PLCH1: variants seen among roughly 807,000 people sequenced by gnomAD.
PLCH1 encodes phospholipase C eta 1.
In PLCH1, 60 loss-of-function variants were observed where a neutral mutation model predicts 126.7. The observed-to-expected ratio is 0.47, with a 90% CI of 0.38 to 0.59. PLCH1 has a LOEUF of 0.59. Among genes scored for constraint, PLCH1 ranks in the 20% least tolerant of loss-of-function variants. The pLI is 0.00. For synonymous variants in PLCH1, 719 were observed against 734.9 expected, an observed-to-expected ratio of 0.98 and a Z score of 0.35; for missense variants, 1,723 against 2,040.0, an observed-to-expected ratio of 0.84 and a Z score of 2.99.
intron 2 of PLCH1, among the ~76,000 whole-genome samples, chr3:155,602,600 C>T (rs1410271218): frequency 6.6e-6 from 1 of 152,182 alleles, no homozygotes; most frequent in Non-Finnish European, 1.5e-5. Flanking sequence ...TATGGTATAA[C>T]CTACTGCTCC....
chr3:155,581,862 G>A (rs921662209), intron 6 of PLCH1, among the ~76,000 whole-genome samples: 1 of 149,554 alleles, frequency 6.7e-6, no homozygotes, highest in Non-Finnish European at 1.5e-5. Flanking sequence ...GCATTCTCCC[G>A]TCTCAGCCTC....
At chr3:155,676,639 C>T (rs1033273973) in intron 2 of PLCH1, among the ~76,000 whole-genome samples, 5 of 152,240 alleles carry the variant, frequency 3.3e-5, no homozygotes, top group South Asian at 2.1e-4. Context: ...AAATAAGCTA[C>T]GACTGCCCTA....
At chr3:155,665,990 A>C (rs555505361) in intron 2 of PLCH1, among the ~76,000 whole-genome samples, 1 of 152,362 alleles carries the variant, frequency 6.6e-6, no homozygotes, top group South Asian at 2.1e-4. Flanking sequence ...ATCACCATAG[A>C]TATTCACATA....
intron 10 of PLCH1, among the ~76,000 whole-genome samples, chr3:155,535,995 A>C (rs1723302693): frequency 1.3e-5 from 2 of 152,230 alleles, no homozygotes. Flanking sequence ...ATCACTTAAC[A>C]GGACTCTTTG....
intron 4 of PLCH1, among the ~76,000 whole-genome samples, chr3:155,590,667 G>A (rs909992176): frequency 2.0e-5 from 3 of 151,880 alleles, no homozygotes; most frequent in Non-Finnish European, 2.9e-5. Flanking sequence ...GGAGAATGGC[G>A]TGAACCCAGG....
intron 1 of PLCH1, among the ~76,000 whole-genome samples, chr3:155,733,012 G>A (rs1748889333): frequency 6.6e-6 from 1 of 151,478 alleles, no homozygotes; most frequent in Non-Finnish European, 1.5e-5. Flanking sequence ...TAACCAAGGA[G>A]GTGAAAAACT....
rs151271623 is a variant in PLCH1 at position 155,531,578 on chromosome 3, T to C, written c.1363-7574A>G. Among the ~76,000 whole-genome samples, 450 of 152,326 alleles carry C rather than the reference T, an allele frequency of 3.0e-3. 1 individual carries two copies. The highest frequency in any genetic ancestry group is 0.019 in the South Asian group (93 of 4,826). On this transcript the variant is annotated intron_variant, in intron 10 of 22. Coordinates refer to ENST00000460012, the MANE Select transcript of PLCH1 (RefSeq NM_014996.4). ...AGGTAGAAGTTGTAGTGACCCAAGA[T>C]GGCGCCACTGCACTCCAACCTGGGT...
chr3:155,534,100 G>T (rs984516701), intron 10 of PLCH1, among the ~76,000 whole-genome samples: 7 of 152,186 alleles, frequency 4.6e-5, no homozygotes, highest in African/African-American at 1.7e-4. Flanking sequence ...TGAAAAGAGG[G>T]CCACCGTCCT....
At chr3:155,536,063 G>A (rs1723314163) in intron 10 of PLCH1, among the ~76,000 whole-genome samples, 1 of 152,156 alleles carries the variant, frequency 6.6e-6, no homozygotes, top group Non-Finnish European at 1.5e-5. Flanking sequence ...GCTAGACCCA[G>A]ACAAGCAATA....
intron 2 of PLCH1, among the ~76,000 whole-genome samples, chr3:155,655,648 TG>T (rs1741274504): frequency 6.6e-6 from 1 of 152,052 alleles, no homozygotes; most frequent in Non-Finnish European, 1.5e-5. Flanking sequence ...CAAACTTCCA[TG>T]TACATATAAG....
intron 2 of PLCH1, among the ~76,000 whole-genome samples, chr3:155,673,850 A>G (rs1743808046): frequency 1.3e-5 from 2 of 152,228 alleles, no homozygotes; most frequent in East Asian, 1.9e-4. Context: ...AGCAGATGGT[A>G]CCAAAGTTCT....
intron 8 of PLCH1, among the ~76,000 whole-genome samples, chr3:155,559,724 A>G (rs1297181895): frequency 6.6e-6 from 1 of 152,210 alleles, no homozygotes; most frequent in East Asian, 1.9e-4. Flanking sequence ...TTGTACAAGT[A>G]TCTGGAGAAG....
chr3:155,486,401 C>A (rs1456013439), intron 21 of PLCH1, among the ~76,000 whole-genome samples: 1 of 151,660 alleles, frequency 6.6e-6, no homozygotes, highest in African/African-American at 2.4e-5. Context: ...CCAACCCGAA[C>A]ACATCTTGAA....
At chr3:155,547,994 C>G (rs1012899912) in intron 10 of PLCH1, among the ~76,000 whole-genome samples, 1 of 151,612 alleles carries the variant, frequency 6.6e-6, no homozygotes, top group Non-Finnish European at 1.5e-5. Context: ...ACATATGTAA[C>G]TAACCTGCAC....
At chr3:155,500,955 C>A (rs1428202195) in intron 13 of PLCH1, among the ~76,000 whole-genome samples, 161 bp from the exon 14 acceptor site, 1 of 151,980 alleles carries the variant, frequency 6.6e-6, no homozygotes, top group Non-Finnish European at 1.5e-5. Flanking sequence ...AATAACAAGC[C>A]TATCTAAGGC....
chr3:155,606,465 C>T (rs1236891001), intron 2 of PLCH1, among the ~76,000 whole-genome samples: 1 of 152,196 alleles, frequency 6.6e-6, no homozygotes, highest in Non-Finnish European at 1.5e-5. Context: ...TATGAGGAAA[C>T]TTTCAGCCTT....
chr3:155,732,555 A>G (rs2109182135), intron 1 of PLCH1, among the ~76,000 whole-genome samples: 1 of 152,102 alleles, frequency 6.6e-6, no homozygotes, highest in African/African-American at 2.4e-5. Context: ...CTAATTCAGT[A>G]AAGTTGCAGG....
intron 2 of PLCH1, among the ~76,000 whole-genome samples, chr3:155,690,033 A>G (rs1460724036): frequency 2.0e-5 from 3 of 151,668 alleles, no homozygotes; most frequent in Non-Finnish European, 4.4e-5. Flanking sequence ...AAGCAGCAAG[A>G]GAAAAAAAAG....
At position 155,655,580 on chromosome 3, in the gene PLCH1, T is replaced by G. The variant is rs138654996; in HGVS notation, c.79+48566A>C. 3.0e-3 allele frequency among the ~76,000 whole-genome samples: 464 copies of G among 152,316 alleles called. 3 individuals carry two copies. Among genetic ancestry groups the G allele is most frequent in the African/African-American group, 0.011 (440 of 41,562 alleles). On this transcript the variant is annotated intron_variant, in intron 2 of 22. Coordinates refer to ENST00000460012, the MANE Select transcript of PLCH1 (RefSeq NM_014996.4). ...CCTGAATCCAAATCTCTCCATACAT[T>G]CACCATGGAAGCCCAAATAAAGCCT... is the stretch of plus-strand genomic sequence containing the variant.
Sources: allele counts gnomAD v4.1 joint callset (sites outside exome capture counted in the v4.1 genomes callset), GRCh38; gene constraint gnomAD v4.1.1; transcripts MANE v1.5; gene names NCBI Gene and HGNC (gene_info 2026-07-23, HGNC 2026-07-21).